KLRG1: variants seen among roughly 807,000 people sequenced by gnomAD.
The protein encoded by KLRG1 is killer cell lectin like receptor G1.
A neutral mutation model predicts 21.8 loss-of-function variants in KLRG1; 16 were observed. The ratio of observed to expected loss-of-function variants is 0.73; its 90% CI spans 0.50 to 1.11. The LOEUF (loss-of-function observed/expected upper bound fraction) is 1.11, where lower values mean the gene tolerates loss of function less well. KLRG1 is among the 50% of genes most tolerant of loss of function. The pLI is 0.00. For missense variants in KLRG1, 173 were observed against 218.3 expected (o/e 0.79, Z 1.31); for synonymous variants, 69 against 75.9 (o/e 0.91, Z 0.47).
the KLRG1 span, chr12:9,135,373 C>G: frequency 2.8e-5 from 9 of 318,836 alleles, no homozygotes; most frequent in Non-Finnish European, 5.6e-5. Flanking sequence ...AACTCACACT[C>G]TGGGTTGGAC....
chr12:9,020,062 T>TACAC, the KLRG1 span, among the ~76,000 whole-genome samples: 160 of 150,262 alleles, frequency 1.1e-3, no homozygotes, highest in Non-Finnish European at 1.9e-3. Context: ...TATATATATA[T>TACAC]ACACACACAC....
At chr12:9,177,331 C>T in the KLRG1 span, among the ~76,000 whole-genome samples, 1 of 152,202 alleles carries the variant, frequency 6.6e-6, no homozygotes, top group African/African-American at 2.4e-5. Context: ...CTGAGGCCTC[C>T]TGCCAATAGC....
the KLRG1 span, chr12:9,157,788 C>T: frequency 6.2e-7 from 1 of 1,613,996 alleles, no homozygotes; most frequent in Non-Finnish European, 8.5e-7. Flanking sequence ...GAGGAATTTC[C>T]AGAAGGGCAA....
At chr12:9,018,690 AAAAG>A in the KLRG1 span, among the ~76,000 whole-genome samples, 381 of 151,500 alleles carry the variant, frequency 2.5e-3, no homozygotes, top group Middle Eastern at 0.01. Context: ...AAAAAAAAAA[AAAAG>A]AAAGAAAGAA....
At chr12:9,113,859 A>C in the KLRG1 span, among the ~76,000 whole-genome samples, 1 of 152,238 alleles carries the variant, frequency 6.6e-6, no homozygotes, top group African/African-American at 2.4e-5. Flanking sequence ...TCATGTTGTA[A>C]AATCTATTTT....
the KLRG1 span, among the ~76,000 whole-genome samples, chr12:9,032,140 A>AT: frequency 6.6e-6 from 1 of 152,222 alleles, no homozygotes; most frequent in Non-Finnish European, 1.5e-5. Flanking sequence ...TGATTAATTG[A>AT]TTTTTTTGAG....
chr12:9,099,454 T>A, the KLRG1 span: 1 of 1,606,794 alleles, frequency 6.2e-7, no homozygotes, highest in South Asian at 1.1e-5. Context: ...TAAAACAGCA[T>A]AGATGAGCAA....
the KLRG1 span, chr12:9,181,088 A>G: frequency 6.2e-7 from 1 of 1,614,176 alleles, no homozygotes; most frequent in Non-Finnish European, 8.5e-7. Flanking sequence ...GCAGGTGGGC[A>G]TGTGAGGCTG....
At chr12:9,056,856 T>C in the KLRG1 span, among the ~76,000 whole-genome samples, 3 of 152,210 alleles carry the variant, frequency 2.0e-5, no homozygotes, top group Non-Finnish European at 2.9e-5. Context: ...CCCAGCCTCT[T>C]CATTTGCTGT....
the KLRG1 span, among the ~76,000 whole-genome samples, chr12:9,055,190 A>G: frequency 6.6e-6 from 1 of 152,202 alleles, no homozygotes; most frequent in Non-Finnish European, 1.5e-5. Flanking sequence ...CCACCTAAAC[A>G]TAACTTATTA....
chr12:8,989,315 T>G (rs1330831808), upstream of KLRG1, among the ~76,000 whole-genome samples: 1 of 152,204 alleles, frequency 6.6e-6, no homozygotes, highest in Non-Finnish European at 1.5e-5. Flanking sequence ...CCACTCTCAC[T>G]TTTATTTTAG....
At chr12:9,121,201 G>A in the KLRG1 span, among the ~76,000 whole-genome samples, 1 of 152,048 alleles carries the variant, frequency 6.6e-6, no homozygotes, top group Admixed American at 6.6e-5. The surrounding 1 kb of genome is among the most constrained non-coding windows in gnomAD (Gnocchi z 4.4). Flanking sequence ...GCTTTTTAAT[G>A]AGAAAAAATA....
chr12:8,960,371 C>T (rs1946362966), intron 1 of KLRG1, among the ~76,000 whole-genome samples: 2 of 152,162 alleles, frequency 1.3e-5, no homozygotes, highest in African/African-American at 4.8e-5. Context: ...TCCTCTCAAG[C>T]CTTTGGTTGA....
chr12:8,989,685 A>G lies in KLRG1; in HGVS notation c.50A>G (p.Gln17Arg), dbSNP rs749638808. The change falls in exon 1 of 5, where the codon CAA (glutamine) becomes CGA (arginine). Residue 17 changes from glutamine (Q) to arginine (R), a missense_variant. Physicochemically the swap from Gln to Arg is conservative, Grantham distance 43. Coordinates refer to ENST00000356986, the MANE Select transcript of KLRG1 (RefSeq NM_005810.4). ...YSMLELPTATQAQNDYGPQQK... is the reference protein window; with the variant it reads ...YSMLELPTATRAQNDYGPQQK... ...ATGTTAGAGTTGCCTACGGCAACCC[A>G]AGCCCAGAATGACTATGGACCACAG... 3.1e-6 allele frequency: 5 copies of G among 1,611,062 alleles called. No individual in the cohort carries two copies. Among genetic ancestry groups the G allele is most frequent in the Non-Finnish European group, 4.2e-6 (5 of 1,178,176 alleles).
chr12:8,957,857 A>C (rs1946320720), intron 1 of KLRG1, among the ~76,000 whole-genome samples: 1 of 152,212 alleles, frequency 6.6e-6, no homozygotes, highest in Admixed American at 6.5e-5. Context: ...TGTAAAACTT[A>C]TGAGTAGTTT....
chr12:9,165,186 A>C, the KLRG1 span: 8 of 1,614,028 alleles, frequency 5.0e-6, no homozygotes, highest in Non-Finnish European at 6.8e-6. Flanking sequence ...TTGAGTGTGA[A>C]GACCTCTCCA....
At chr12:8,982,361 G>C (rs1419314272) in intron 1 of KLRG1, among the ~76,000 whole-genome samples, 1 of 152,200 alleles carries the variant, frequency 6.6e-6, no homozygotes, top group East Asian at 1.9e-4. Context: ...GGAGGCTTTA[G>C]AGGAGAACAT....
At chr12:9,106,509 T>C in the KLRG1 span, 2 of 1,597,294 alleles carry the variant, frequency 1.3e-6, no homozygotes, top group Non-Finnish European at 1.7e-6. Flanking sequence ...TCTTCTTGGA[T>C]CTGGGCCTCA....
intron 3 of KLRG1, among the ~76,000 whole-genome samples, chr12:8,998,138 G>A (rs1947191821): frequency 6.6e-6 from 1 of 152,082 alleles, no homozygotes; most frequent in South Asian, 2.1e-4. Context: ...AGACCAGCCT[G>A]GCTAACATGG....
Sources: allele counts gnomAD v4.1 joint callset (sites outside exome capture counted in the v4.1 genomes callset), GRCh38; gene constraint gnomAD v4.1.1; non-coding constraint Gnocchi (gnomAD v3.1); transcripts MANE v1.5; gene names NCBI Gene and HGNC (gene_info 2026-07-23, HGNC 2026-07-21).